Variants in C12orf42 observed in about 807,000 individuals in gnomAD.
C12orf42 encodes the protein chromosome 12 open reading frame 42.
In C12orf42, 25 loss-of-function variants were observed where a neutral mutation model predicts 21.6. That is an observed-to-expected ratio of 1.16 (90% confidence interval 0.84 to 1.62). The LOEUF is 1.62. Among genes scored for constraint, C12orf42 ranks in the 40% most tolerant of loss-of-function variants. The pLI, the probability that C12orf42 is intolerant of heterozygous loss-of-function variation, is 0.00. For missense variants in C12orf42, 483 were observed against 459.3 expected (o/e 1.05, Z -0.47); for synonymous variants, 174 against 175.0 (o/e 0.99, Z 0.05).
At chr12:103,346,496 C>T (rs1481639356) in intron 4 of C12orf42, among the ~76,000 whole-genome samples, 2 of 152,052 alleles carry the variant, frequency 1.3e-5, no homozygotes, top group African/African-American at 4.8e-5. Context: ...ATGGCTAAGT[C>T]ATGCCATTTG....
At chr12:103,493,124 A>G (rs1379282701) in intron 1 of C12orf42, among the ~76,000 whole-genome samples, 1 of 152,204 alleles carries the variant, frequency 6.6e-6, no homozygotes, top group Non-Finnish European at 1.5e-5. Flanking sequence ...TCCATATTCT[A>G]CAAAGCAGAG....
At chr12:103,147,623 C>CTTTTTTTT in the C12orf42 span, among the ~76,000 whole-genome samples, 28 of 99,306 alleles carry the variant, frequency 2.8e-4, no homozygotes, top group Admixed American at 3.8e-4. Context: ...TTCTCTCTCT[C>CTTTTTTTT]TTTTTTTTTT....
chr12:103,562,632 G>T, the C12orf42 span, among the ~76,000 whole-genome samples: 1 of 152,142 alleles, frequency 6.6e-6, no homozygotes, highest in Non-Finnish European at 1.5e-5. Flanking sequence ...TACCATTTCA[G>T]AAATTTCTTG....
At chr12:103,437,207 C>A (rs527453743) in intron 2 of C12orf42, among the ~76,000 whole-genome samples, 5 of 151,952 alleles carry the variant, frequency 3.3e-5, no homozygotes, top group African/African-American at 4.8e-5. Flanking sequence ...TTGAAACCAG[C>A]GAGAACAAAG....
intron 4 of C12orf42, among the ~76,000 whole-genome samples, chr12:103,342,424 T>A (rs550967462): frequency 1.3e-5 from 2 of 152,214 alleles, no homozygotes; most frequent in South Asian, 4.2e-4. Context: ...GAAAAACGAA[T>A]ATGCATGGAG....
the C12orf42 span, among the ~76,000 whole-genome samples, chr12:103,145,406 C>T: frequency 5.6e-4 from 86 of 152,266 alleles, no homozygotes; most frequent in Admixed American, 9.8e-4. Context: ...GGCTCACCTT[C>T]ATCACTTTGA....
At chr12:103,144,837 T>A in the C12orf42 span, among the ~76,000 whole-genome samples, 8 of 152,136 alleles carry the variant, frequency 5.3e-5, no homozygotes, top group African/African-American at 1.9e-4. Context: ...CTGCTTGGGA[T>A]GACTAGGCTT....
chr12:103,506,811 C>A, the C12orf42 span, among the ~76,000 whole-genome samples: 1 of 97,240 alleles, frequency 1.0e-5, no homozygotes, highest in African/African-American at 4.3e-5. Flanking sequence ...GTATCAAATA[C>A]ATGTTTATAT....
intron 1 of C12orf42, among the ~76,000 whole-genome samples, chr12:103,494,999 A>C (rs921110231): frequency 1.6e-4 from 25 of 152,076 alleles, no homozygotes; most frequent in African/African-American, 6.0e-4. Context: ...GGGATGTGAG[A>C]TAAATAATAT....
chr12:103,256,943 G>GCTA (rs2034646114), intron 10 of C12orf42, among the ~76,000 whole-genome samples: 1 of 151,986 alleles, frequency 6.6e-6, no homozygotes, highest in African/African-American at 2.4e-5. Flanking sequence ...TTTAATAATA[G>GCTA]CTATTCTGAC....
intron 4 of C12orf42, among the ~76,000 whole-genome samples, chr12:103,288,822 T>C (rs2036626070): frequency 6.6e-6 from 1 of 152,182 alleles, no homozygotes; most frequent in Non-Finnish European, 1.5e-5. Context: ...ACACAAATCC[T>C]GAACTCCCTA....
At chr12:103,173,618 C>T in the C12orf42 span, among the ~76,000 whole-genome samples, 106 of 151,506 alleles carry the variant, frequency 7.0e-4, no homozygotes, top group Non-Finnish European at 1.3e-3. Context: ...CCCTTTGTAA[C>T]TTTCATTAGA....
intron 4 of C12orf42, among the ~76,000 whole-genome samples, chr12:103,327,670 T>G (rs1487195541): frequency 6.6e-6 from 1 of 152,222 alleles, no homozygotes; most frequent in African/African-American, 2.4e-5. Context: ...AGATAATATT[T>G]ACCATACATA....
At position 103,252,919 on chromosome 12, in the gene C12orf42, G is replaced by A. The variant is rs190354023; in HGVS notation, c.*1366+10407C>T. The stretch of plus-strand genomic sequence containing the variant: ...ATAGTATTACCTAGGTTTTCTTCCA[G>A]GATTTTTTTAATGTTTTAGGTCTTA... On this transcript the variant is annotated intron_variant and NMD_transcript_variant, in intron 10 of 10. Transcript: ENST00000547347. Among the ~76,000 whole-genome samples, 10 of 152,094 alleles carry A rather than the reference G, an allele frequency of 6.6e-5. No homozygotes were observed. The East Asian group carries it at 1.7e-3, about 26-fold the overall frequency.
At chr12:103,489,746 C>T (rs932942511) in intron 1 of C12orf42, among the ~76,000 whole-genome samples, 4 of 152,222 alleles carry the variant, frequency 2.6e-5, no homozygotes, top group Non-Finnish European at 4.4e-5. Flanking sequence ...GGGCATGGGA[C>T]CCACTGAGCC....
chr12:103,180,636 T>C, the C12orf42 span, among the ~76,000 whole-genome samples: 1 of 139,292 alleles, frequency 7.2e-6, no homozygotes, highest in Non-Finnish European at 1.6e-5. Context: ...TTTTTTTTTT[T>C]TTTTTTTTTG....
chr12:103,378,067 C>G (rs1051831485), intron 3 of C12orf42, among the ~76,000 whole-genome samples: 1 of 152,066 alleles, frequency 6.6e-6, no homozygotes, highest in Admixed American at 6.6e-5. Flanking sequence ...AGAAGCTACT[C>G]AAAGCCAGGG....
At chr12:103,329,126 ATGCATTCAGAGCTATGGCAGGGACGCAG>A (rs879547676) in intron 4 of C12orf42, among the ~76,000 whole-genome samples, 2 of 151,154 alleles carry the variant, frequency 1.3e-5, no homozygotes, top group Non-Finnish European at 3.0e-5. Context: ...GGACGCAGGC[ATGCATTCAGAGCTATGGCAGGGACGCAG>A]GCATGCATTC....
intron 4 of C12orf42, 35 bp from the exon 5 acceptor site, chr12:103,306,380 A>G: frequency 1.3e-6 from 2 of 1,538,804 alleles, no homozygotes; most frequent in Non-Finnish European, 1.7e-6. Flanking sequence ...TGAAAAATTC[A>G]CCAAAAACAC....
Sources: allele counts gnomAD v4.1 joint callset (sites outside exome capture counted in the v4.1 genomes callset), GRCh38; gene constraint gnomAD v4.1.1; transcripts MANE v1.5; gene names NCBI Gene and HGNC (gene_info 2026-07-23, HGNC 2026-07-21).